The following ERCC6L2 variants were observed in gnomAD, a reference collection of about 807,000 sequenced individuals.
The protein encoded by ERCC6L2 is ERCC excision repair 6 like 2.
A neutral mutation model predicts 132.0 loss-of-function variants in ERCC6L2; 77 were observed. That is an observed-to-expected ratio of 0.58 (90% confidence interval 0.49 to 0.71). The LOEUF is 0.71. ERCC6L2 is among the 30% of genes least tolerant of loss of function. The pLI is 0.00. For synonymous variants in ERCC6L2, 583 were observed against 632.4 expected, an observed-to-expected ratio of 0.92 and a Z score of 1.17; for missense variants, 1,542 against 1,837.6, an observed-to-expected ratio of 0.84 and a Z score of 2.94.
chr9:95,941,377 C>A, intron 11 of ERCC6L2, 77 bp from the exon 12 acceptor site: 1 of 1,035,670 alleles, frequency 9.7e-7, no homozygotes, highest in Non-Finnish European at 1.5e-6. Flanking sequence ...GCTATAGAAA[C>A]CTGGCACAGT....
chr9:95,978,147 G>A lies in ERCC6L2; in HGVS notation c.3424G>A (p.Ala1142Thr), dbSNP rs1343833583. 7.3e-6 allele frequency: 10 copies of A among 1,367,392 alleles called. No individual in the cohort carries two copies. The highest frequency in any genetic ancestry group is 9.8e-6 in the Non-Finnish European group (10 of 1,021,756). The allele number at this position is 1,367,392 out of a possible 1,614,324, so 84.7% of individuals were successfully genotyped here. The change falls in exon 17 of 19, where the codon GCA becomes ACA. Residue 1142 changes from alanine to threonine, a missense_variant. This residue lies in a region of ERCC6L2 where 442 missense variants were observed against 583.4 expected (regional missense o/e 0.76). Coordinates refer to ENST00000653738, the MANE Select transcript of ERCC6L2 (RefSeq NM_020207.7). ...KAENHMSRWAAHDVFELKQFS... is the reference protein window; with the variant it reads ...KAENHMSRWATHDVFELKQFS... ...TGAAAATCACATGAGCCGATGGGCA[G>A]CACATGACGTATTTGAGTTGAAGCA...
intron 3 of ERCC6L2, among the ~76,000 whole-genome samples, chr9:95,899,507 T>C (rs1828643537): frequency 6.6e-6 from 1 of 152,198 alleles, no homozygotes; most frequent in South Asian, 2.1e-4. Flanking sequence ...CATTTGATAA[T>C]GTGGTAAAAT....
At chr9:95,889,282 C>A (rs1828035133) in intron 2 of ERCC6L2, among the ~76,000 whole-genome samples, 2 of 152,020 alleles carry the variant, frequency 1.3e-5, no homozygotes, top group Non-Finnish European at 1.5e-5. Flanking sequence ...TATGAATTTG[C>A]ACAATTAGGA....
chr9:96,036,750 T>TATG (rs1834522903), intron 19 of ERCC6L2, among the ~76,000 whole-genome samples: 1 of 133,004 alleles, frequency 7.5e-6, no homozygotes, highest in Non-Finnish European at 1.6e-5. Context: ...AAATTATTAT[T>TATG]ATTATTATTA....
Position 96,012,244 on chromosome 9 carries a change from G to T in ERCC6L2, c.3694G>T (p.Ala1232Ser). The T allele has an allele frequency of 1.6e-6, 2 of 1,266,864 alleles. No homozygotes were observed. Among genetic ancestry groups the T allele is most frequent in the Non-Finnish European group, 2.1e-6 (2 of 968,658 alleles). The allele number at this position is 1,266,864 out of a possible 1,614,324, so 78.5% of individuals were successfully genotyped here. ...CTTTAGAAAACAATTTGAAGAAATG[G>T]CCTCTTATTTTAACTCGTCTTCTGT... ...GIRRKQFEEM[A>S]SYFNSSSVNE... The change falls in exon 19 of 19, where the codon GCC (alanine) becomes TCC (serine). Residue 1232 changes from alanine to serine, a missense_variant. Physicochemically the swap from Ala to Ser is moderately conservative, Grantham distance 99. Transcript: ENST00000653738.
Position 96,012,939 on chromosome 9 carries a change from T to G in ERCC6L2, c.4389T>G (p.Val1463=). ...GTCCCACACAACTGCCAAAGAAAGT[T>G]CTTTCAGGGCCCATGGAAAAAGCAA... The part of the protein sequence containing the change: ...GNSPTQLPKK[V]LSGPMEKAKQ... The change falls in exon 19 of 19, where the codon GTT becomes GTG. Residue 1463 remains valine, a synonymous_variant. Transcript: ENST00000653738. 1 of 1,367,434 alleles carries G rather than the reference T, an allele frequency of 7.3e-7. No individual in the cohort carries two copies. Among genetic ancestry groups the G allele is most frequent in the African/African-American group, 1.5e-5 (1 of 67,856 alleles). The allele number at this position is 1,367,434 out of a possible 1,614,324, so 84.7% of individuals were successfully genotyped here.
chr9:95,981,797 C>T (rs1292703773), intron 17 of ERCC6L2, among the ~76,000 whole-genome samples: 1 of 152,126 alleles, frequency 6.6e-6, no homozygotes, highest in African/African-American at 2.4e-5. Flanking sequence ...TGCACGTTTT[C>T]AACTTAAGTT....
chr9:96,014,778 A>G lies in ERCC6L2; in HGVS notation c.*1575A>G, dbSNP rs1480115903. 6.6e-6 allele frequency among the ~76,000 whole-genome samples: 1 copy of G among 152,118 alleles called. No individual in the cohort carries two copies. The highest frequency in any genetic ancestry group is 6.5e-5 in the Admixed American group (1 of 15,280). On this transcript the variant is annotated 3_prime_UTR_variant, in exon 19 of 19. Coordinates refer to ENST00000653738, the MANE Select transcript of ERCC6L2 (RefSeq NM_020207.7). ...GCTGAGTTGTGTCCAGACTTACCAG[A>G]TGGTATGTTTTGCCATTGAGGGGCC...
chr9:95,970,792 C>A, intron 15 of ERCC6L2, 136 bp downstream of exon 15: 1 of 430,860 alleles, frequency 2.3e-6, no homozygotes, highest in Non-Finnish European at 3.8e-6. Context: ...AGTCAGAGGA[C>A]TATGGATAAA....
intron 17 of ERCC6L2, among the ~76,000 whole-genome samples, chr9:96,002,423 C>CTTT (rs11398688): frequency 4.4e-4 from 63 of 144,114 alleles, no homozygotes; most frequent in African/African-American, 1.3e-3. Flanking sequence ...GTTAGTTTGG[C>CTTT]TTTTTTTTTT....
chr9:95,918,622 A>G, intron 6 of ERCC6L2: 1 of 257,178 alleles, frequency 3.9e-6, no homozygotes, highest in Non-Finnish European at 7.9e-6. Flanking sequence ...GACTGGCTTC[A>G]TGTCTACTCT....
intron 11 of ERCC6L2, 56 bp from the exon 12 acceptor site, chr9:95,941,398 C>T (rs1830790216): frequency 3.1e-6 from 4 of 1,288,746 alleles, no homozygotes; most frequent in African/African-American, 1.5e-5. Context: ...TGAGTTATAG[C>T]ACAACAGTTA....
chr9:96,038,785 T>G, intron 19 of ERCC6L2: 1 of 447,590 alleles, frequency 2.2e-6, no homozygotes, highest in South Asian at 1.6e-5. Flanking sequence ...GGAGTCTAAT[T>G]CCCCTCATAC....
intron 6 of ERCC6L2, among the ~76,000 whole-genome samples, chr9:95,920,342 A>G (rs1028715149): frequency 2.0e-5 from 3 of 152,136 alleles, no homozygotes; most frequent in Non-Finnish European, 2.9e-5. Context: ...CACTTAATGA[A>G]CAGTAAAGAT....
intron 13 of ERCC6L2, among the ~76,000 whole-genome samples, chr9:95,956,354 G>A (rs1034771595): frequency 8.5e-5 from 13 of 152,104 alleles, no homozygotes; most frequent in Non-Finnish European, 8.8e-5. Context: ...AAACTAATCA[G>A]CCCACATTTT....
chr9:95,889,465 A>G (rs567572626), intron 2 of ERCC6L2, among the ~76,000 whole-genome samples: 1 of 151,900 alleles, frequency 6.6e-6, no homozygotes, highest in East Asian at 1.9e-4. Context: ...ATCTGTCAAT[A>G]TATGTGTGTG....
intron 16 of ERCC6L2, 102 bp from the exon 17 acceptor site, chr9:95,977,959 T>A (rs1832739078): frequency 1.4e-6 from 1 of 695,904 alleles, no homozygotes; most frequent in Non-Finnish European, 2.0e-6. Flanking sequence ...TATTGTGATG[T>A]TGATGTTTCT....
At chr9:95,884,754 A>G (rs1300000140) in intron 2 of ERCC6L2, among the ~76,000 whole-genome samples, 1 of 152,220 alleles carries the variant, frequency 6.6e-6, no homozygotes, top group Non-Finnish European at 1.5e-5. Flanking sequence ...GAGCTTTCAG[A>G]CACAAGCCAT....
chr9:95,889,572 A>G (rs1391072502), intron 2 of ERCC6L2, among the ~76,000 whole-genome samples: 1 of 152,118 alleles, frequency 6.6e-6, no homozygotes, highest in Admixed American at 6.6e-5. Flanking sequence ...AGCTTTGACA[A>G]ATGTCTATGT....
Sources: gnomAD v4.1 joint callset for allele counts (sites outside exome capture counted in the v4.1 genomes callset) on GRCh38, gnomAD v4.1.1 for gene constraint, gnomAD v4.1.1 regional missense constraint, MANE v1.5 for transcripts, NCBI Gene and HGNC (gene_info 2026-07-23, HGNC 2026-07-21) for gene names.